Variants in GPC5 observed in about 807,000 individuals in gnomAD.
The protein encoded by GPC5 is glypican 5.
GPC5 carries 47 observed loss-of-function variants against 53.9 expected under a neutral mutation model. That is an observed-to-expected ratio of 0.87 (90% CI 0.69 to 1.11). GPC5 has a LOEUF of 1.11. Among genes scored for constraint, GPC5 ranks in the 50% most tolerant of loss-of-function variants. GPC5 has a pLI of 0.00. For synonymous variants in GPC5, 286 were observed against 263.3 expected, an observed-to-expected ratio of 1.09 and a Z score of -0.84; for missense variants, 748 against 713.1, an observed-to-expected ratio of 1.05 and a Z score of -0.56.
At chr13:92,663,881 TATATATATATATATATATATATAC>T (rs1468503762) in intron 7 of GPC5, among the ~76,000 whole-genome samples, 39 of 69,978 alleles carry the variant, frequency 5.6e-4, no homozygotes, top group South Asian at 2.8e-3. Flanking sequence ...TATATATATA[TATATATATATATATATATATATAC>T]ACACACACAC....
chr13:92,833,843 A>G (rs1878132795), intron 7 of GPC5, among the ~76,000 whole-genome samples: 1 of 152,208 alleles, frequency 6.6e-6, no homozygotes, highest in South Asian at 2.1e-4. Flanking sequence ...ACATAATTAA[A>G]GGAAATTTAG....
chr13:92,563,286 C>A (rs1392559102), intron 7 of GPC5, among the ~76,000 whole-genome samples: 1 of 151,954 alleles, frequency 6.6e-6, no homozygotes, highest in African/African-American at 2.4e-5. Flanking sequence ...AAAAGAGCCC[C>A]TCTCCCCAAA....
At chr13:92,576,792 A>G (rs183817197) in intron 7 of GPC5, among the ~76,000 whole-genome samples, 1 of 152,274 alleles carries the variant, frequency 6.6e-6, no homozygotes. Context: ...CTCTTTCTCC[A>G]AAGACTTTAT....
intron 6 of GPC5, among the ~76,000 whole-genome samples, chr13:91,982,029 G>T (rs1162479799): frequency 6.6e-6 from 1 of 152,172 alleles, no homozygotes; most frequent in South Asian, 2.1e-4. Context: ...CTCGCTTGCT[G>T]TGGTTAAGTA....
In GPC5 at chr13:92,458,770, G is replaced by A. The variant is rs552203171; in HGVS notation, c.1561+313781G>A. Among the ~76,000 whole-genome samples, 12 of 152,120 alleles carry A rather than the reference G, an allele frequency of 7.9e-5. No individual in the cohort carries two copies. The South Asian group carries it at 2.1e-3, about 26-fold the overall frequency. On this transcript the variant is annotated intron_variant, in intron 7 of 7. Coordinates refer to ENST00000377067, the MANE Select transcript of GPC5 (RefSeq NM_004466.6). ...ATATGGGCTACAGATGAATATTTAG[G>A]CAAACTGTCCTGGTCAGCATGTACA...
chr13:91,940,912 A>G (rs79730795), intron 6 of GPC5, among the ~76,000 whole-genome samples: 2,285 of 151,984 alleles, frequency 0.015, 52 homozygotes, highest in African/African-American at 0.053. Context: ...GATGCATAGT[A>G]TGTGAATATT....
chr13:91,599,524 C>G (rs1247473715), intron 2 of GPC5, among the ~76,000 whole-genome samples: 1 of 151,948 alleles, frequency 6.6e-6, no homozygotes, highest in African/African-American at 2.4e-5. Context: ...TCCATAGAAA[C>G]TATCTAACAC....
chr13:92,109,242 T>A (rs944175658), intron 6 of GPC5, among the ~76,000 whole-genome samples: 10 of 151,828 alleles, frequency 6.6e-5, no homozygotes. Context: ...CCTTTTTATT[T>A]TTTTTGTGCA....
At chr13:91,489,331 C>T (rs1012752954) in intron 2 of GPC5, among the ~76,000 whole-genome samples, 4 of 152,154 alleles carry the variant, frequency 2.6e-5, no homozygotes, top group Non-Finnish European at 4.4e-5. Context: ...CTCCCCCGGA[C>T]ACCCAGCTTT....
At chr13:92,613,335 A>AAT (rs1229730983) in intron 7 of GPC5, among the ~76,000 whole-genome samples, 18 of 102,140 alleles carry the variant, frequency 1.8e-4, no homozygotes, top group African/African-American at 5.2e-4. Context: ...TATATAATAT[A>AAT]ATATATTTAT....
intron 5 of GPC5, among the ~76,000 whole-genome samples, chr13:91,871,499 T>TA (rs1223475771): frequency 6.0e-5 from 9 of 150,864 alleles, no homozygotes; most frequent in Admixed American, 1.3e-4. Context: ...CCCCAAAATC[T>TA]AAAAAAAAGG....
At chr13:91,786,405 C>T (rs1474890371) in intron 5 of GPC5, among the ~76,000 whole-genome samples, 1 of 152,216 alleles carries the variant, frequency 6.6e-6, no homozygotes, top group African/African-American at 2.4e-5. Context: ...CCTGCTCTCC[C>T]TTCCTTACTC....
At chr13:91,595,749 G>A (rs552183269) in intron 2 of GPC5, among the ~76,000 whole-genome samples, 4 of 152,278 alleles carry the variant, frequency 2.6e-5, no homozygotes, top group African/African-American at 9.6e-5. Context: ...CTTCTTTACA[G>A]CAAAAGACTT....
At chr13:92,241,372 T>G (rs1191544649) in intron 7 of GPC5, 1 of 152,164 alleles carries the variant, frequency 6.6e-6, no homozygotes, top group Non-Finnish European at 1.5e-5. Context: ...TGTAATATTA[T>G]TTGCATGATA....
chr13:92,866,358 A>T lies in GPC5; in HGVS notation c.1638A>T (p.Thr546=). The change falls in exon 8 of 8, where the codon ACA becomes ACT. Residue 546 remains threonine (T), a synonymous_variant. Transcript: ENST00000377067. ...QTDTGSTLDT[T]GAGCAVATES... Reference sequence around the variant, plus strand: ...ACACTGGCAGTACTTTAGACACAACAGGAGCAGGATGTGCAGTGGCGACTG... The same window carrying T: ...ACACTGGCAGTACTTTAGACACAACTGGAGCAGGATGTGCAGTGGCGACTG... 1 of 1,613,308 alleles carries T rather than the reference A, an allele frequency of 6.2e-7. No homozygotes were observed. Among genetic ancestry groups the T allele is most frequent in the Non-Finnish European group, 8.5e-7 (1 of 1,179,434 alleles).
At chr13:91,891,844 G>A (rs1163201043) in intron 5 of GPC5, among the ~76,000 whole-genome samples, 1 of 151,982 alleles carries the variant, frequency 6.6e-6, no homozygotes, top group Non-Finnish European at 1.5e-5. Flanking sequence ...TTATCTTAAA[G>A]TTATTCGAAA....
In GPC5 at chr13:92,625,118, A is replaced by G. The variant is rs146084544; in HGVS notation, c.1562-241164A>G. Among the ~76,000 whole-genome samples the G allele has an allele frequency of 6.5e-3, 988 of 152,280 alleles. 12 individuals carry two copies. Among genetic ancestry groups the G allele is most frequent in the African/African-American group, 0.022 (935 of 41,578 alleles). On this transcript the variant is annotated intron_variant, in intron 7 of 7. Coordinates refer to ENST00000377067, the MANE Select transcript of GPC5 (RefSeq NM_004466.6). Reference sequence around the variant, plus strand: ...ATTCTGTGTCAGTGTGATTTTGACAATATAATGTTGTCCACTGCGAATTTA... The same window carrying G: ...ATTCTGTGTCAGTGTGATTTTGACAGTATAATGTTGTCCACTGCGAATTTA...
intron 7 of GPC5, among the ~76,000 whole-genome samples, chr13:92,379,764 G>T (rs543451199): frequency 1.3e-5 from 2 of 152,054 alleles, no homozygotes; most frequent in Non-Finnish European, 2.9e-5. Context: ...AGCACTATTA[G>T]TTCCTCTCTG....
At chr13:92,173,467 T>C (rs1477010618) in intron 7 of GPC5, among the ~76,000 whole-genome samples, 1 of 152,244 alleles carries the variant, frequency 6.6e-6, no homozygotes, top group East Asian at 1.9e-4. Context: ...TCATGTGCCA[T>C]GAGGACACTC....
Sources: gnomAD v4.1 joint callset for allele counts (sites outside exome capture counted in the v4.1 genomes callset) on GRCh38, gnomAD v4.1.1 for gene constraint, MANE v1.5 for transcripts, NCBI Gene and HGNC (gene_info 2026-07-23, HGNC 2026-07-21) for gene names.